ATL1: variants seen among roughly 807,000 people sequenced by gnomAD.
ATL1 encodes atlastin GTPase 1.
A neutral mutation model predicts 75.5 loss-of-function variants in ATL1; 31 were observed. That is an observed-to-expected ratio of 0.41 (90% confidence interval 0.31 to 0.55). ATL1 has a LOEUF of 0.55. ATL1 is among the 20% of genes least tolerant of loss of function. The pLI, the probability that ATL1 is intolerant of heterozygous loss-of-function variation, is 0.27. For missense variants in ATL1, 405 were observed against 662.6 expected, an observed-to-expected ratio of 0.61 and a Z score of 4.27; for synonymous variants, 226 against 233.3, an observed-to-expected ratio of 0.97 and a Z score of 0.28.
At position 50,560,205 on chromosome 14, in the gene ATL1, G is replaced by T; in HGVS notation, c.-61G>T. 6.2e-7 allele frequency: 1 copy of T among 1,603,400 alleles called. No individual in the cohort carries two copies. Among genetic ancestry groups the T allele is most frequent in the East Asian group, 2.3e-5 (1 of 44,294 alleles). On this transcript the variant is annotated 5_prime_UTR_variant, in exon 1 of 14. Transcript: ENST00000358385. The stretch of plus-strand genomic sequence containing the variant: ...AGCCTCCCACCGCCAGCAACCTGCG[G>T]CCCCGGAGAAGGCAGCGAGCGCAGT...
At chr14:50,579,312 G>A (rs913975730) in intron 1 of ATL1, among the ~76,000 whole-genome samples, 1 of 151,940 alleles carries the variant, frequency 6.6e-6, no homozygotes, top group African/African-American at 2.4e-5. Flanking sequence ...TATATGTGTG[G>A]GTCTGTAGTC....
chr14:50,565,834 A>T (rs1266210262), intron 1 of ATL1, among the ~76,000 whole-genome samples: 1 of 152,328 alleles, frequency 6.6e-6, no homozygotes, highest in African/African-American at 2.4e-5. Context: ...TTTTACATAA[A>T]AATTTCTTAT....
At chr14:50,629,749 AT>A (rs1453372788) in intron 12 of ATL1, among the ~76,000 whole-genome samples, 2 of 152,180 alleles carry the variant, frequency 1.3e-5, no homozygotes, top group Non-Finnish European at 2.9e-5. Flanking sequence ...ACCACAAAAG[AT>A]TTAAGAGGGG....
intron 1 of ATL1, among the ~76,000 whole-genome samples, chr14:50,569,383 C>T (rs1321315148): frequency 6.8e-6 from 1 of 147,288 alleles, no homozygotes; most frequent in Non-Finnish European, 1.5e-5. Flanking sequence ...CATGCCACTG[C>T]ATTCTAGCTT....
At chr14:50,596,526 C>T (rs1263528231) in intron 6 of ATL1, among the ~76,000 whole-genome samples, 1 of 152,102 alleles carries the variant, frequency 6.6e-6, no homozygotes, top group Non-Finnish European at 1.5e-5. Context: ...ACAAAGAAAA[C>T]ACATTACTCT....
At chr14:50,543,217 G>A (rs963583583) in intron 1 of ATL1, among the ~76,000 whole-genome samples, 2 of 152,204 alleles carry the variant, frequency 1.3e-5, no homozygotes, top group African/African-American at 2.4e-5. Flanking sequence ...ACTTGCCAAG[G>A]ATAATTCAGT....
chr14:50,563,083 T>C (rs2038867393), intron 1 of ATL1, among the ~76,000 whole-genome samples: 1 of 152,256 alleles, frequency 6.6e-6, no homozygotes, highest in Admixed American at 6.5e-5. Context: ...TCTATCTCTT[T>C]GTTGAATGGA....
At chr14:50,611,203 C>T (rs532738176) in intron 6 of ATL1, among the ~76,000 whole-genome samples, 2 of 152,192 alleles carry the variant, frequency 1.3e-5, no homozygotes, top group South Asian at 4.1e-4. Context: ...CTTCTGAAAT[C>T]CACCTACACC....
intron 1 of ATL1, among the ~76,000 whole-genome samples, chr14:50,566,451 T>C (rs2038905002): frequency 6.6e-6 from 1 of 152,166 alleles, no homozygotes; most frequent in African/African-American, 2.4e-5. Context: ...GAGCCTAATA[T>C]AAAGGGAATC....
intron 13 of ATL1, among the ~76,000 whole-genome samples, chr14:50,631,400 A>T (rs1305470927): frequency 6.6e-6 from 1 of 152,232 alleles, no homozygotes; most frequent in Non-Finnish European, 1.5e-5. Flanking sequence ...TGCAGCTTTT[A>T]AAAATATTCA....
chr14:50,600,682 T>G (rs530351307), intron 6 of ATL1, among the ~76,000 whole-genome samples: 1 of 152,324 alleles, frequency 6.6e-6, no homozygotes, highest in East Asian at 1.9e-4. Flanking sequence ...AGCAGGTCAC[T>G]TCTATCCTCT....
intron 11 of ATL1, among the ~76,000 whole-genome samples, chr14:50,624,461 T>A (rs183162027): frequency 3.0e-4 from 46 of 152,204 alleles, no homozygotes; most frequent in Admixed American, 1.4e-3. Context: ...TGTTATAAGA[T>A]GGTGAACTTA....
intron 4 of ATL1, among the ~76,000 whole-genome samples, chr14:50,592,491 G>A (rs1291214207): frequency 1.3e-5 from 2 of 151,622 alleles, no homozygotes; most frequent in African/African-American, 4.8e-5. Context: ...GTAAACAGAA[G>A]GAGGAAGGAA....
chr14:50,537,675 A>G (rs890207637), intron 1 of ATL1, among the ~76,000 whole-genome samples: 1 of 152,230 alleles, frequency 6.6e-6, no homozygotes, highest in Non-Finnish European at 1.5e-5. Context: ...CATCAGCATG[A>G]CTTAGATGTG....
chr14:50,606,472 G>C (rs1472050205), intron 6 of ATL1, among the ~76,000 whole-genome samples: 2 of 151,862 alleles, frequency 1.3e-5, no homozygotes, highest in African/African-American at 2.4e-5. Context: ...TAAGCAAGCA[G>C]AGGCTAGGAC....
At chr14:50,613,535 A>C (rs921337506) in intron 7 of ATL1, among the ~76,000 whole-genome samples, 184 bp downstream of exon 7, 8 of 152,162 alleles carry the variant, frequency 5.3e-5, no homozygotes, top group Non-Finnish European at 1.2e-4. Flanking sequence ...TAAAGATAAA[A>C]CTTTTACTTT....
chr14:50,561,558 A>G (rs1386217937), intron 1 of ATL1, among the ~76,000 whole-genome samples: 6 of 152,154 alleles, frequency 3.9e-5, no homozygotes, highest in Admixed American at 2.6e-4. Context: ...TGGTTATTTC[A>G]GTTTACTTTA....
chr14:50,604,763 G>T (rs1240954423), intron 6 of ATL1, among the ~76,000 whole-genome samples: 1 of 152,064 alleles, frequency 6.6e-6, no homozygotes, highest in Non-Finnish European at 1.5e-5. Flanking sequence ...TAGAGTTGCT[G>T]CATTGAAAGT....
chr14:50,610,006 C>G (rs1408429635), intron 6 of ATL1, among the ~76,000 whole-genome samples: 1 of 151,170 alleles, frequency 6.6e-6, no homozygotes, highest in African/African-American at 2.4e-5. Context: ...AGAGGTTTTC[C>G]TCTGCCCCAC....
Sources: allele counts gnomAD v4.1 joint callset (sites outside exome capture counted in the v4.1 genomes callset), GRCh38; gene constraint gnomAD v4.1.1; transcripts MANE v1.5; gene names NCBI Gene and HGNC (gene_info 2026-07-23, HGNC 2026-07-21).